AOPEP: variants seen among roughly 807,000 people sequenced by gnomAD.
AOPEP encodes the protein aminopeptidase O.
A neutral mutation model predicts 98.1 loss-of-function variants in AOPEP; 77 were observed. The ratio of observed to expected loss-of-function variants is 0.78; its 90% CI spans 0.65 to 0.95. The LOEUF is 0.95. Ranked by LOEUF, AOPEP falls within the 40% of genes least tolerant of loss-of-function variation. The pLI, the probability that AOPEP is intolerant of heterozygous loss-of-function variation, is 0.00. For synonymous variants in AOPEP, 346 were observed against 365.3 expected, an observed-to-expected ratio of 0.95 and a Z score of 0.60; for missense variants, 1,024 against 1,024.7, an observed-to-expected ratio of 1.00 and a Z score of 0.01.
At chr9:94,859,083 C>T (rs1047860933) in intron 5 of AOPEP, among the ~76,000 whole-genome samples, 2 of 150,634 alleles carry the variant, frequency 1.3e-5, no homozygotes, top group African/African-American at 2.4e-5. Context: ...TGCCACTGCA[C>T]TTCAGCCTGG....
intron 5 of AOPEP, among the ~76,000 whole-genome samples, chr9:94,884,932 C>A (rs940752129): frequency 6.7e-6 from 1 of 149,754 alleles, no homozygotes; most frequent in Non-Finnish European, 1.5e-5. Context: ...TGGCGTGAAC[C>A]CGGGAGGCGG....
intron 5 of AOPEP, among the ~76,000 whole-genome samples, chr9:94,863,353 T>G (rs2045317971): frequency 1.3e-5 from 2 of 148,706 alleles, no homozygotes; most frequent in South Asian, 4.2e-4. Flanking sequence ...TGGTCTCGGC[T>G]CACTGCCAGC....
chr9:94,986,087 A>G (rs772126132), intron 11 of AOPEP, among the ~76,000 whole-genome samples: 2 of 152,128 alleles, frequency 1.3e-5, no homozygotes, highest in Non-Finnish European at 2.9e-5. Flanking sequence ...AACAACAGAG[A>G]TTTTTTTCCT....
intron 1 of AOPEP, among the ~76,000 whole-genome samples, chr9:94,745,560 C>T (rs1834291185): frequency 6.6e-6 from 1 of 152,204 alleles, no homozygotes; most frequent in East Asian, 1.9e-4. Context: ...CAGGCGTGAG[C>T]CACCGTGCCC....
the AOPEP span, among the ~76,000 whole-genome samples, chr9:95,094,197 G>A: frequency 6.6e-6 from 1 of 152,212 alleles, no homozygotes; most frequent in South Asian, 2.1e-4. Flanking sequence ...GCATATCCAC[G>A]GGGAAAGCCC....
the AOPEP span, among the ~76,000 whole-genome samples, chr9:95,096,263 T>C: frequency 1.2e-4 from 18 of 152,216 alleles, no homozygotes; most frequent in Non-Finnish European, 1.6e-4. Context: ...CGGGAGATGA[T>C]GTCTGAAACC....
chr9:94,765,551 A>C (rs1237779650), intron 2 of AOPEP, among the ~76,000 whole-genome samples: 1 of 150,800 alleles, frequency 6.6e-6, no homozygotes, highest in Non-Finnish European at 1.5e-5. Context: ...GCAGTGGGTC[A>C]TGTTTGTGCC....
chr9:94,933,566 C>T (rs1588962970), intron 7 of AOPEP: 1 of 985,206 alleles, frequency 1.0e-6, no homozygotes, highest in South Asian at 4.7e-5. Context: ...CCCTAACCTT[C>T]CTCCTGAATG....
At chr9:95,030,997 T>G (rs1377038813) in intron 13 of AOPEP, among the ~76,000 whole-genome samples, 1 of 152,222 alleles carries the variant, frequency 6.6e-6, no homozygotes, top group Non-Finnish European at 1.5e-5. Flanking sequence ...TAACTGATAC[T>G]TTGCCTCCTC....
intron 3 of AOPEP, among the ~76,000 whole-genome samples, chr9:94,788,537 C>T: frequency 7.0e-6 from 1 of 143,106 alleles, no homozygotes; most frequent in African/African-American, 2.6e-5. Context: ...TCTTGATTTT[C>T]TAATAGAGGC....
At chr9:95,001,012 T>C (rs747421352) in intron 11 of AOPEP, among the ~76,000 whole-genome samples, 2 of 152,158 alleles carry the variant, frequency 1.3e-5, no homozygotes, top group South Asian at 2.1e-4. Context: ...TTTGGGAACA[T>C]TGAAGAGCCC....
intron 11 of AOPEP, among the ~76,000 whole-genome samples, chr9:94,989,250 C>T (rs572626290): frequency 3.3e-5 from 5 of 152,040 alleles, no homozygotes; most frequent in Admixed American, 2.6e-4. Context: ...TACAGGTGCC[C>T]GCCACCTCAT....
chr9:95,090,815 T>C (rs2070857047), downstream of AOPEP, among the ~76,000 whole-genome samples: 1 of 152,080 alleles, frequency 6.6e-6, no homozygotes, highest in Non-Finnish European at 1.5e-5. Context: ...TCAGCTTCCT[T>C]TGAGGATTAA....
chr9:95,039,934 T>A (rs2065145737), intron 13 of AOPEP, among the ~76,000 whole-genome samples: 1 of 152,246 alleles, frequency 6.6e-6, no homozygotes, highest in South Asian at 2.1e-4. Context: ...GATTGATGTG[T>A]TTCCTTTTCC....
At chr9:95,013,406 CTT>C (rs11453647) in intron 13 of AOPEP, among the ~76,000 whole-genome samples, 20 of 140,398 alleles carry the variant, frequency 1.4e-4, no homozygotes, top group Admixed American at 2.9e-4. Context: ...AAATATTATC[CTT>C]TTTTTTTTTT....
intron 9 of AOPEP, among the ~76,000 whole-genome samples, chr9:94,961,104 C>T (rs1209035575): frequency 6.6e-6 from 1 of 151,800 alleles, no homozygotes; most frequent in African/African-American, 2.4e-5. Flanking sequence ...CATTTTCATG[C>T]CCTCAAAACT....
chr9:95,054,695 A>G (rs2133841811), intron 13 of AOPEP, among the ~76,000 whole-genome samples: 1 of 152,320 alleles, frequency 6.6e-6, no homozygotes, highest in Non-Finnish European at 1.5e-5. Flanking sequence ...TTGAACTGTA[A>G]CTATTAGAAT....
rs201932227 is a variant in AOPEP, at chr9:95,012,992, G to GT, written c.2115+7376_2115+7377insT. On this transcript the variant is annotated intron_variant, in intron 13 of 16. Transcript: ENST00000375315. ...GAGTTTTCCTGTTTTTTTTTTGGGGGGGGGGGCAGGGCGATTATCTCTTAT... is the reference window on the plus strand; with the variant it reads ...GAGTTTTCCTGTTTTTTTTTTGGGGGTGGGGGGCAGGGCGATTATCTCTTAT... Among the ~76,000 whole-genome samples, 743 of 138,774 alleles carry GT rather than the reference G, an allele frequency of 5.4e-3. 25 individuals are homozygous for GT. The highest frequency in any genetic ancestry group is 0.018 in the African/African-American group (692 of 37,636). The allele number at this position is 138,774 out of a possible 152,430, so 91.0% of individuals were successfully genotyped here. A position where few individuals can be genotyped will look rare whatever the true frequency, so the allele number is the denominator to read the frequency against.
chr9:94,939,742 G>T (rs545775068), intron 7 of AOPEP, among the ~76,000 whole-genome samples: 3 of 152,244 alleles, frequency 2.0e-5, no homozygotes, highest in African/African-American at 4.8e-5. Flanking sequence ...TGTATAAAAG[G>T]TACTCAGTAT....
Sources: gnomAD v4.1 joint callset for allele counts (sites outside exome capture counted in the v4.1 genomes callset) on GRCh38, gnomAD v4.1.1 for gene constraint, MANE v1.5 for transcripts, NCBI Gene and HGNC (gene_info 2026-07-23, HGNC 2026-07-21) for gene names.